The following CACHD1 variants were observed in gnomAD, a reference collection of about 807,000 sequenced individuals.
The protein encoded by CACHD1 is VWFA and cache domain-containing protein 1.
CACHD1 carries 71 observed loss-of-function variants against 138.7 expected under a neutral mutation model. The ratio of observed to expected loss-of-function variants is 0.51; its 90% CI spans 0.42 to 0.62. The LOEUF is 0.62. CACHD1 is among the 20% of genes least tolerant of loss of function. CACHD1 has a pLI of 0.00. For missense variants in CACHD1, 1,389 were observed against 1,625.3 expected (o/e 0.85, Z 2.50); for synonymous variants, 578 against 591.5 (o/e 0.98, Z 0.33).
At position 64,682,112 on chromosome 1, in the gene CACHD1, G is replaced by T; in HGVS notation, c.3586+6G>T. ...AGGAACAGAAAGTGATCATGGTAAGGTCTAGCTTCCTGCATTTGAAGACCC... is the reference window on the plus strand; with the variant it reads ...AGGAACAGAAAGTGATCATGGTAAGTTCTAGCTTCCTGCATTTGAAGACCC... On this transcript the variant is annotated splice_donor_region_variant and intron_variant, in intron 26 of 26. Coordinates refer to ENST00000651257, the MANE Select transcript of CACHD1 (RefSeq NM_020925.4). 2 of 1,613,496 alleles carry T rather than the reference G, an allele frequency of 1.2e-6. No homozygotes were observed. Among genetic ancestry groups the T allele is most frequent in the South Asian group, 1.1e-5 (1 of 91,068 alleles).
chr1:64,675,770 G>A, intron 20 of CACHD1, 127 bp from the exon 21 acceptor site: 1 of 707,724 alleles, frequency 1.4e-6, no homozygotes, highest in Non-Finnish European at 2.2e-6. Flanking sequence ...TTAACCTTTG[G>A]CTGTAACTTC....
intron 4 of CACHD1, among the ~76,000 whole-genome samples, chr1:64,627,476 G>A (rs758623323): frequency 1.2e-4 from 19 of 152,028 alleles, no homozygotes; most frequent in Non-Finnish European, 2.2e-4. Flanking sequence ...CTTCAGAACA[G>A]GACAGTCACT....
At chr1:64,568,783 C>T (rs936033051) in intron 2 of CACHD1, among the ~76,000 whole-genome samples, 4 of 152,138 alleles carry the variant, frequency 2.6e-5, no homozygotes, top group Non-Finnish European at 5.9e-5. Flanking sequence ...CACTCATGCA[C>T]ACACCCTGTG....
At chr1:64,520,244 A>T (rs1408760428) in intron 1 of CACHD1, among the ~76,000 whole-genome samples, 1 of 152,212 alleles carries the variant, frequency 6.6e-6, no homozygotes, top group East Asian at 1.9e-4. Flanking sequence ...GTATTTCTAG[A>T]ATATTTTGGC....
At position 64,649,897 on chromosome 1, in the gene CACHD1, C is replaced by G. The variant is rs114378353; in HGVS notation, c.1390+1863C>G. On this transcript the variant is annotated intron_variant, in intron 9 of 26. Coordinates refer to ENST00000651257, the MANE Select transcript of CACHD1 (RefSeq NM_020925.4). ...AATTCCTCTACTAGAGTGTGTCTGT[C>G]TTTTCATCTTTGTGTTTTCAGTCCC... is the stretch of plus-strand genomic sequence containing the variant. Among the ~76,000 whole-genome samples, 1,399 of 152,252 alleles carry G rather than the reference C, an allele frequency of 9.2e-3. 27 individuals are homozygous for G. Among genetic ancestry groups the G allele is most frequent in the African/African-American group, 0.032 (1,319 of 41,536 alleles).
rs183473420 is a variant in CACHD1 at position 64,504,005 on chromosome 1, A to G, written c.198+33063A>G. Among the ~76,000 whole-genome samples the G allele has an allele frequency of 9.2e-5, 14 of 152,306 alleles. No homozygotes were observed. The East Asian group carries it at 2.5e-3, about 27-fold the overall frequency. The stretch of plus-strand genomic sequence containing the variant: ...TATAAAGGTAATCCTGGTGGACACA[A>G]TGGAGATGCACATGAAAAGGTGAAA... On this transcript the variant is annotated intron_variant, in intron 1 of 26. Coordinates refer to ENST00000651257, the MANE Select transcript of CACHD1 (RefSeq NM_020925.4).
At chr1:64,545,441 C>T (rs1646711118) in intron 1 of CACHD1, among the ~76,000 whole-genome samples, 1 of 152,160 alleles carries the variant, frequency 6.6e-6, no homozygotes, top group Non-Finnish European at 1.5e-5. Flanking sequence ...TGGTTTTGAA[C>T]TTTATGTAAA....
chr1:64,664,024 G>A (rs970808077), intron 14 of CACHD1, among the ~76,000 whole-genome samples, 187 bp downstream of exon 14: 19 of 152,250 alleles, frequency 1.2e-4, no homozygotes, highest in African/African-American at 4.3e-4. Flanking sequence ...AAGAAGCCCC[G>A]TGGGCCACAT....
chr1:64,529,053 G>A (rs185475382), intron 1 of CACHD1, among the ~76,000 whole-genome samples: 205 of 152,090 alleles, frequency 1.3e-3, no homozygotes, highest in African/African-American at 4.6e-3. Context: ...TGGAGAAATG[G>A]GATTTGAATT....
chr1:64,672,668 G>T (rs950849912), intron 17 of CACHD1, among the ~76,000 whole-genome samples: 5 of 152,144 alleles, frequency 3.3e-5, no homozygotes, highest in African/African-American at 1.2e-4. Context: ...ATCTTCCACA[G>T]ATAAGGGAGA....
chr1:64,483,677 C>G (rs1230165612), intron 1 of CACHD1, among the ~76,000 whole-genome samples: 6 of 110,362 alleles, frequency 5.4e-5, no homozygotes, highest in Non-Finnish European at 1.0e-4. Flanking sequence ...GACCCTGTCT[C>G]TACCAAAAAA....
chr1:64,498,765 T>C (rs1277561175), intron 1 of CACHD1, among the ~76,000 whole-genome samples: 3 of 152,250 alleles, frequency 2.0e-5, no homozygotes, highest in Non-Finnish European at 2.9e-5. Context: ...ACAACTCAGT[T>C]GTCTACTCTG....
At chr1:64,643,785 C>T (rs1323864678) in intron 8 of CACHD1, among the ~76,000 whole-genome samples, 2 of 152,156 alleles carry the variant, frequency 1.3e-5, no homozygotes, top group Non-Finnish European at 2.9e-5. Context: ...TTGCAGTGAG[C>T]CGAGATTGCA....
intron 1 of CACHD1, among the ~76,000 whole-genome samples, chr1:64,507,614 C>T (rs1225734066): frequency 6.6e-6 from 1 of 152,066 alleles, no homozygotes; most frequent in Non-Finnish European, 1.5e-5. Flanking sequence ...CCGCAGACAG[C>T]CCAGGAGATA....
chr1:64,575,054 A>G (rs1646956206), intron 2 of CACHD1, among the ~76,000 whole-genome samples: 1 of 152,210 alleles, frequency 6.6e-6, no homozygotes, highest in South Asian at 2.1e-4. Flanking sequence ...TTTAGACCCC[A>G]CAATATTTCC....
At chr1:64,477,916 G>A (rs1267409352) in intron 1 of CACHD1, among the ~76,000 whole-genome samples, 1 of 150,294 alleles carries the variant, frequency 6.7e-6, no homozygotes, top group African/African-American at 2.4e-5. Flanking sequence ...TTACAGGCGT[G>A]AGCCACCGCG....
intron 1 of CACHD1, among the ~76,000 whole-genome samples, chr1:64,511,682 G>A (rs1254797951): frequency 1.3e-5 from 2 of 152,184 alleles, no homozygotes; most frequent in Admixed American, 6.5e-5. Context: ...CTCTGGCCAC[G>A]AGGAAATTAT....
chr1:64,517,656 A>G (rs1346115622), intron 1 of CACHD1, among the ~76,000 whole-genome samples: 1 of 152,146 alleles, frequency 6.6e-6, no homozygotes, highest in African/African-American at 2.4e-5. Flanking sequence ...TTTAAAGGCC[A>G]TTGTAAGGGT....
chr1:64,495,643 AAG>A (rs969723407), intron 1 of CACHD1, among the ~76,000 whole-genome samples: 1 of 152,186 alleles, frequency 6.6e-6, no homozygotes, highest in African/African-American at 2.4e-5. Flanking sequence ...CATGGGCAGA[AAG>A]AGAGCAATAC....
Sources: gnomAD v4.1 joint callset for allele counts (sites outside exome capture counted in the v4.1 genomes callset) on GRCh38, gnomAD v4.1.1 for gene constraint, MANE v1.5 for transcripts, NCBI Gene and HGNC (gene_info 2026-07-23, HGNC 2026-07-21) for gene names.